LDB2: variants seen among roughly 807,000 people sequenced by gnomAD.
LDB2 encodes LIM domain binding 2.
LDB2 carries 12 observed loss-of-function variants against 44.3 expected under a neutral mutation model. That is an observed-to-expected ratio of 0.27 (90% CI 0.17 to 0.44). The LOEUF (loss-of-function observed/expected upper bound fraction) is 0.44. Ranked by LOEUF, LDB2 falls within the 20% of genes least tolerant of loss-of-function variation. The pLI is 1.00. For missense variants in LDB2, 344 were observed against 473.5 expected (o/e 0.73, Z 2.54); for synonymous variants, 164 against 174.8 (o/e 0.94, Z 0.49).
intron 1 of LDB2, among the ~76,000 whole-genome samples, chr4:16,880,326 G>T (rs1467983792): frequency 6.6e-6 from 1 of 152,106 alleles, no homozygotes; most frequent in African/African-American, 2.4e-5. Flanking sequence ...AAAGGCAGCT[G>T]ACCAAGGGGA....
chr4:16,693,033 T>A (rs1227643823), intron 2 of LDB2, among the ~76,000 whole-genome samples: 1 of 152,220 alleles, frequency 6.6e-6, no homozygotes, highest in Admixed American at 6.5e-5. Flanking sequence ...TAGGTAATTA[T>A]CTGGACCAGG....
At chr4:16,780,196 C>T (rs1260766238) in intron 1 of LDB2, among the ~76,000 whole-genome samples, 1 of 152,114 alleles carries the variant, frequency 6.6e-6, no homozygotes, top group Non-Finnish European at 1.5e-5. Flanking sequence ...TGAGACTACA[C>T]AGAAGTGAGA....
At chr4:16,572,854 CT>C (rs1267955493) in intron 5 of LDB2, among the ~76,000 whole-genome samples, 2 of 152,134 alleles carry the variant, frequency 1.3e-5, no homozygotes, top group African/African-American at 4.8e-5. Context: ...TCTCTGCCTC[CT>C]CTCAGATGGG....
intron 3 of LDB2, among the ~76,000 whole-genome samples, 200 bp from the exon 4 acceptor site, chr4:16,589,032 A>G (rs1023379425): frequency 3.3e-5 from 5 of 152,198 alleles, no homozygotes; most frequent in African/African-American, 9.7e-5. Flanking sequence ...GTGACTGTAC[A>G]GCTGCTTATT....
chr4:16,575,082 A>G (rs2152407229), intron 5 of LDB2, among the ~76,000 whole-genome samples: 1 of 152,284 alleles, frequency 6.6e-6, no homozygotes, highest in Admixed American at 6.5e-5. Flanking sequence ...GACACCAACA[A>G]TTTGAACATG....
Position 16,699,523 on chromosome 4 carries a change from G to T in LDB2, c.235+59635C>A, listed in dbSNP as rs77523451. Among the ~76,000 whole-genome samples the T allele has an allele frequency of 2.8e-3, 430 of 152,226 alleles. 18 individuals are homozygous for T. In the East Asian group the frequency reaches 0.074, roughly 26 times the overall value. ...TTTATTGTGTAATTAGGTATATGATGGCCTTGTATCCATATCCATTATGCA... is the reference window on the plus strand; with the variant it reads ...TTTATTGTGTAATTAGGTATATGATTGCCTTGTATCCATATCCATTATGCA... On this transcript the variant is annotated intron_variant, in intron 2 of 7. Transcript: ENST00000304523.
intron 5 of LDB2, among the ~76,000 whole-genome samples, chr4:16,560,688 A>C (rs1407562530): frequency 6.6e-6 from 1 of 152,246 alleles, no homozygotes; most frequent in African/African-American, 2.4e-5. Context: ...ATCAATAGAA[A>C]AAGAGGGAAT....
At chr4:16,623,200 T>C (rs978071187) in intron 2 of LDB2, among the ~76,000 whole-genome samples, 1 of 152,036 alleles carries the variant, frequency 6.6e-6, no homozygotes, top group Admixed American at 6.6e-5. Flanking sequence ...TGAGAGTAAG[T>C]AGAGAAAGCT....
At chr4:16,829,663 A>G (rs917081240) in intron 1 of LDB2, among the ~76,000 whole-genome samples, 3 of 152,196 alleles carry the variant, frequency 2.0e-5, no homozygotes, top group African/African-American at 7.2e-5. Flanking sequence ...GGTTGTTTTC[A>G]TAAGTAAAAG....
At chr4:16,804,316 A>G (rs895364855) in intron 1 of LDB2, among the ~76,000 whole-genome samples, 1 of 152,144 alleles carries the variant, frequency 6.6e-6, no homozygotes. Context: ...ATACATAGAA[A>G]GGGGGTAAAA....
At chr4:16,505,792 C>T (rs1719188056) in intron 7 of LDB2, 14 of 1,494,350 alleles carry the variant, frequency 9.4e-6, no homozygotes, top group Non-Finnish European at 1.3e-5. Context: ...CACCAGCTCT[C>T]ACCCATTTCA....
chr4:16,544,401 G>T (rs1734974700), intron 5 of LDB2, among the ~76,000 whole-genome samples: 1 of 152,184 alleles, frequency 6.6e-6, no homozygotes, highest in Non-Finnish European at 1.5e-5. Context: ...GGCTTCATGG[G>T]TTTAGGGGAG....
chr4:16,876,151 T>G (rs983996317), intron 1 of LDB2, among the ~76,000 whole-genome samples: 3 of 152,206 alleles, frequency 2.0e-5, no homozygotes, highest in African/African-American at 4.8e-5. Context: ...AAGGTTTGGA[T>G]AAACCGACTA....
chr4:16,723,158 A>C (rs1758674841), intron 2 of LDB2, among the ~76,000 whole-genome samples: 1 of 152,198 alleles, frequency 6.6e-6, no homozygotes, highest in South Asian at 2.1e-4. Flanking sequence ...AAGAATGTTT[A>C]AGAATAAGGT....
chr4:16,870,769 A>G (rs141406956), intron 1 of LDB2, among the ~76,000 whole-genome samples: 4,345 of 152,136 alleles, frequency 0.029, 90 homozygotes, highest in Middle Eastern at 0.061. Flanking sequence ...AGTAGCTGGG[A>G]TTACAGGTGT....
intron 2 of LDB2, among the ~76,000 whole-genome samples, chr4:16,745,014 T>C (rs2109050102): frequency 6.6e-6 from 1 of 152,354 alleles, no homozygotes; most frequent in South Asian, 2.1e-4. Context: ...ATTTTCATTA[T>C]ACAGATCAAA....
At chr4:16,772,934 C>A in intron 1 of LDB2, among the ~76,000 whole-genome samples, 1 of 152,160 alleles carries the variant, frequency 6.6e-6, no homozygotes, top group Non-Finnish European at 1.5e-5. Flanking sequence ...GAATGGAGAA[C>A]CAAGACACAG....
intron 2 of LDB2, among the ~76,000 whole-genome samples, chr4:16,709,696 T>A (rs191471398): frequency 7.9e-5 from 12 of 152,320 alleles, no homozygotes; most frequent in Admixed American, 6.5e-4. Flanking sequence ...ATAATACCAT[T>A]TTACATTAAA....
chr4:16,832,456 T>C (rs529677050), intron 1 of LDB2, among the ~76,000 whole-genome samples: 4 of 152,364 alleles, frequency 2.6e-5, no homozygotes, highest in African/African-American at 4.8e-5. Flanking sequence ...TGACTTCTTA[T>C]GTTGAGATTC....
Sources: gnomAD v4.1 joint callset for allele counts (sites outside exome capture counted in the v4.1 genomes callset) on GRCh38, gnomAD v4.1.1 for gene constraint, MANE v1.5 for transcripts, NCBI Gene and HGNC (gene_info 2026-07-23, HGNC 2026-07-21) for gene names.